TXLNB: variants seen among roughly 807,000 people sequenced by gnomAD.
The protein encoded by TXLNB is taxilin beta.
In TXLNB, 37 loss-of-function variants were observed where a neutral mutation model predicts 57.4. The observed-to-expected ratio is 0.64, with a 90% CI of 0.50 to 0.85. TXLNB has a LOEUF of 0.85. Ranked by LOEUF, TXLNB falls within the 40% of genes least tolerant of loss-of-function variation. TXLNB has a pLI of 0.00. For missense variants in TXLNB, 848 were observed against 825.6 expected (o/e 1.03, Z -0.33); for synonymous variants, 302 against 309.6 (o/e 0.98, Z 0.26).
the TXLNB span, among the ~76,000 whole-genome samples, chr6:139,220,310 T>C: frequency 1.7e-3 from 261 of 152,350 alleles, 7 homozygotes; most frequent in South Asian, 0.042. Context: ...ACCCCGTCTA[T>C]GGTATTTTGT....
chr6:139,167,293 G>A, the TXLNB span: 1 of 1,602,654 alleles, frequency 6.2e-7, no homozygotes, highest in Non-Finnish European at 8.5e-7. Flanking sequence ...GACATGATGA[G>A]ATCGAATATG....
chr6:139,283,589 A>AG (rs1297509771), intron 2 of TXLNB, among the ~76,000 whole-genome samples: 1 of 144,838 alleles, frequency 6.9e-6, no homozygotes, highest in Admixed American at 6.8e-5. Flanking sequence ...AAAAAAAAAA[A>AG]AAAAATGTCT....
the TXLNB span, among the ~76,000 whole-genome samples, chr6:139,190,611 G>C: frequency 1.3e-5 from 2 of 151,908 alleles, no homozygotes; most frequent in Non-Finnish European, 2.9e-5. Context: ...GCCTGGCCAA[G>C]GGCCTGTTTC....
In TXLNB at chr6:139,274,776, C is replaced by T. The variant is rs139231405; in HGVS notation, c.516+2054G>A. Among the ~76,000 whole-genome samples, 967 of 152,138 alleles carry T rather than the reference C, an allele frequency of 6.4e-3. 8 individuals carry two copies. Among genetic ancestry groups the T allele is most frequent in the Non-Finnish European group, 0.01 (696 of 67,994 alleles). ...ATTAGTCTAGAATGCTGCCCAGTCC[C>T]CTCAAGTATAGAACATGGCGCTGGA... On this transcript the variant is annotated intron_variant, in intron 3 of 9. Transcript: ENST00000358430.
At chr6:139,291,880 T>C (rs7746727) in intron 1 of TXLNB, 41 bp downstream of exon 1, 61,710 of 152,020 alleles carry the variant, frequency 0.41, 15,811 homozygotes, top group African/African-American at 0.74. Context: ...CCGCACCCTA[T>C]ACCTTCTCAC....
chr6:139,219,500 C>A, the TXLNB span, among the ~76,000 whole-genome samples: 1 of 152,208 alleles, frequency 6.6e-6, no homozygotes, highest in Non-Finnish European at 1.5e-5. Context: ...CAACACAAAC[C>A]CATTATCAGT....
chr6:139,172,792 C>CTCACTT, the TXLNB span, among the ~76,000 whole-genome samples: 1 of 152,184 alleles, frequency 6.6e-6, no homozygotes, highest in Non-Finnish European at 1.5e-5. Context: ...CTCTGTAAGC[C>CTCACTT]TCACTTCCTA....
the TXLNB span, among the ~76,000 whole-genome samples, chr6:139,306,097 G>T: frequency 6.6e-6 from 1 of 152,166 alleles, no homozygotes. Context: ...CAAGAATGGT[G>T]TATTTTATCT....
chr6:139,205,493 A>G, the TXLNB span, among the ~76,000 whole-genome samples: 1 of 152,198 alleles, frequency 6.6e-6, no homozygotes, highest in Non-Finnish European at 1.5e-5. Context: ...AACATTCAGA[A>G]CATCTGGAAA....
chr6:139,170,770 AT>A, the TXLNB span, among the ~76,000 whole-genome samples: 1 of 152,024 alleles, frequency 6.6e-6, no homozygotes, highest in South Asian at 2.1e-4. Context: ...GAATGGAAAG[AT>A]TTTCAGTGTT....
chr6:139,206,542 C>G, the TXLNB span, among the ~76,000 whole-genome samples: 1 of 152,100 alleles, frequency 6.6e-6, no homozygotes, highest in South Asian at 2.1e-4. Flanking sequence ...GTGGCATGTG[C>G]CTGTATTCCC....
At chr6:139,234,128 T>A in the TXLNB span, 1 of 152,106 alleles carries the variant, frequency 6.6e-6, no homozygotes, top group East Asian at 1.9e-4. Context: ...ATTTAGGATA[T>A]CTATGGAAGA....
intron 6 of TXLNB, 88 bp from the exon 7 acceptor site, chr6:139,255,726 C>A: frequency 1.0e-6 from 1 of 987,722 alleles, no homozygotes; most frequent in Non-Finnish European, 1.6e-6. Context: ...AACTTAGCAA[C>A]CTGCTCATTA....
At chr6:139,159,637 G>C in the TXLNB span, among the ~76,000 whole-genome samples, 2 of 152,116 alleles carry the variant, frequency 1.3e-5, no homozygotes, top group African/African-American at 4.8e-5. Context: ...TCTCCCCATG[G>C]GTTCACCCTC....
the TXLNB span, among the ~76,000 whole-genome samples, chr6:139,309,994 C>T: frequency 6.6e-6 from 1 of 152,242 alleles, no homozygotes; most frequent in South Asian, 2.1e-4. Context: ...CAGATAAAGA[C>T]CTAAATGGAA....
At chr6:139,167,788 T>C in the TXLNB span, among the ~76,000 whole-genome samples, 4 of 152,166 alleles carry the variant, frequency 2.6e-5, no homozygotes, top group African/African-American at 9.7e-5. Context: ...AGTGTGTTGA[T>C]AGCAGCAAAA....
chr6:139,276,740 C>A, intron 3 of TXLNB, 90 bp downstream of exon 3: 1 of 943,030 alleles, frequency 1.1e-6, no homozygotes, highest in African/African-American at 1.6e-5. Flanking sequence ...ACAATTCATT[C>A]TCGGATTGGC....
the TXLNB span, among the ~76,000 whole-genome samples, chr6:139,305,104 T>G: frequency 4.6e-5 from 7 of 152,278 alleles, no homozygotes; most frequent in South Asian, 1.4e-3. Context: ...AACTTAAATG[T>G]TTTGAATTAC....
chr6:139,311,151 G>A, the TXLNB span, among the ~76,000 whole-genome samples: 1 of 152,230 alleles, frequency 6.6e-6, no homozygotes, highest in Admixed American at 6.5e-5. Flanking sequence ...GGTTTGGCCA[G>A]CCTATACCCT....
Sources: allele counts gnomAD v4.1 joint callset (sites outside exome capture counted in the v4.1 genomes callset), GRCh38; gene constraint gnomAD v4.1.1; transcripts MANE v1.5; gene names NCBI Gene and HGNC (gene_info 2026-07-23, HGNC 2026-07-21).